TSPAN18: variants seen among roughly 807,000 people sequenced by gnomAD.
TSPAN18 encodes tetraspanin-18.
Under a neutral mutation model 27.3 loss-of-function variants are expected in TSPAN18, and 14 were observed. That is an observed-to-expected ratio of 0.51 (90% CI 0.34 to 0.80). The LOEUF is 0.80. TSPAN18 is among the 30% of genes least tolerant of loss of function. TSPAN18 has a pLI of 0.01. For missense variants in TSPAN18, 268 were observed against 323.9 expected (o/e 0.83, Z 1.32); for synonymous variants, 143 against 136.5 (o/e 1.05, Z -0.33).
intron 2 of TSPAN18, among the ~76,000 whole-genome samples, chr11:44,811,915 G>T (rs1590513768): frequency 6.6e-6 from 1 of 152,302 alleles, no homozygotes; most frequent in Admixed American, 6.5e-5. Context: ...GAACCCCCAG[G>T]GGGAGAACAG....
chr11:44,910,502 A>C (rs2135341455), intron 5 of TSPAN18, among the ~76,000 whole-genome samples: 1 of 152,330 alleles, frequency 6.6e-6, no homozygotes, highest in African/African-American at 2.4e-5. Flanking sequence ...CTGAACAACC[A>C]GGTTTCTCCA....
At chr11:44,827,482 G>C (rs1857068635) in intron 2 of TSPAN18, among the ~76,000 whole-genome samples, 1 of 152,206 alleles carries the variant, frequency 6.6e-6, no homozygotes, top group Non-Finnish European at 1.5e-5. Context: ...GAAGTGCCTG[G>C]AGTCTGGGAG....
At chr11:44,898,345 C>T (rs528293176) in intron 3 of TSPAN18, among the ~76,000 whole-genome samples, 3 of 152,300 alleles carry the variant, frequency 2.0e-5, no homozygotes, top group African/African-American at 4.8e-5. Context: ...TGGGCTAGAT[C>T]GTGCTTCCCA....
At chr11:44,888,669 A>G (rs1858742093) in intron 3 of TSPAN18, among the ~76,000 whole-genome samples, 1 of 152,290 alleles carries the variant, frequency 6.6e-6, no homozygotes, top group African/African-American at 2.4e-5. Context: ...TACACCATTC[A>G]GCTCTGATTT....
chr11:44,780,043 T>C (rs927787505), intron 2 of TSPAN18, among the ~76,000 whole-genome samples: 4 of 152,148 alleles, frequency 2.6e-5, no homozygotes, highest in East Asian at 3.9e-4. Context: ...CTGTACACAT[T>C]TACACATGCA....
intron 2 of TSPAN18, among the ~76,000 whole-genome samples, chr11:44,773,585 C>T (rs1855738816): frequency 6.6e-6 from 1 of 152,108 alleles, no homozygotes; most frequent in South Asian, 2.1e-4. Context: ...AAATTCCCTA[C>T]AGGCAGTTCA....
chr11:44,754,157 C>A (rs1016892551), intron 1 of TSPAN18, among the ~76,000 whole-genome samples: 1 of 152,160 alleles, frequency 6.6e-6, no homozygotes, highest in African/African-American at 2.4e-5. Context: ...TCCTGCGGAC[C>A]TTTTCTGCAT....
At chr11:44,800,374 G>A (rs1478022503) in intron 2 of TSPAN18, among the ~76,000 whole-genome samples, 1 of 152,124 alleles carries the variant, frequency 6.6e-6, no homozygotes, top group Admixed American at 6.5e-5. Context: ...ATCTGGGGTT[G>A]GAGCCTCTTC....
chr11:44,880,756 G>A (rs1590622606), intron 3 of TSPAN18, among the ~76,000 whole-genome samples: 1 of 152,248 alleles, frequency 6.6e-6, no homozygotes, highest in Non-Finnish European at 1.5e-5. Context: ...GAAGTGGTTG[G>A]ACTCAAGGAC....
At chr11:44,926,500 C>T (rs1383866355) in intron 8 of TSPAN18, 174 bp from the exon 9 acceptor site, 4 of 640,474 alleles carry the variant, frequency 6.2e-6, no homozygotes, top group Non-Finnish European at 5.6e-6. Flanking sequence ...GCTGCCAAGT[C>T]GCTGTTTCTG....
At chr11:44,762,589 C>T (rs906266538) in intron 1 of TSPAN18, among the ~76,000 whole-genome samples, 1 of 151,934 alleles carries the variant, frequency 6.6e-6, no homozygotes, top group African/African-American at 2.4e-5. Context: ...AATAACTTGC[C>T]CAAGGTCATA....
chr11:44,752,229 T>C (rs1193993419), intron 1 of TSPAN18, among the ~76,000 whole-genome samples: 1 of 152,218 alleles, frequency 6.6e-6, no homozygotes, highest in Admixed American at 6.5e-5. Context: ...AGGCTAGTTT[T>C]AGCTGATGTG....
intron 3 of TSPAN18, among the ~76,000 whole-genome samples, chr11:44,897,323 TGGGGGAGGA>T (rs889994243): frequency 6.6e-6 from 1 of 152,166 alleles, no homozygotes; most frequent in African/African-American, 2.4e-5. Flanking sequence ...GTCTGGGTTT[TGGGGGAGGA>T]AGTTGATGAA....
At chr11:44,749,908 T>A (rs1199803451) in intron 1 of TSPAN18, among the ~76,000 whole-genome samples, 2 of 152,220 alleles carry the variant, frequency 1.3e-5, no homozygotes, top group African/African-American at 4.8e-5. Context: ...AGTGCTGGGA[T>A]TACAGGCGTG....
intron 2 of TSPAN18, among the ~76,000 whole-genome samples, chr11:44,839,215 C>T (rs1028013201): frequency 4.6e-5 from 7 of 152,214 alleles, no homozygotes; most frequent in African/African-American, 1.2e-4. Context: ...CATGCAAATA[C>T]GTTTCTGTTC....
chr11:44,787,429 T>G (rs116657521), intron 2 of TSPAN18, among the ~76,000 whole-genome samples: 159 of 152,290 alleles, frequency 1.0e-3, no homozygotes, highest in African/African-American at 3.7e-3. Context: ...TCATGGGTGG[T>G]GCAGAGCTGG....
At chr11:44,864,944 G>A (rs1393398140) in intron 3 of TSPAN18, among the ~76,000 whole-genome samples, 1 of 152,208 alleles carries the variant, frequency 6.6e-6, no homozygotes, top group African/African-American at 2.4e-5. Context: ...TGCCATGTGG[G>A]GCATCAGCCA....
chr11:44,855,962 A>C (rs1857726551), intron 2 of TSPAN18, among the ~76,000 whole-genome samples: 1 of 149,798 alleles, frequency 6.7e-6, no homozygotes, highest in African/African-American at 2.5e-5. Context: ...GGCTCACTGC[A>C]ACCTCCGTCT....
At chr11:44,748,320 C>T (rs1422008898) in intron 1 of TSPAN18, among the ~76,000 whole-genome samples, 1 of 152,000 alleles carries the variant, frequency 6.6e-6, no homozygotes, top group Non-Finnish European at 1.5e-5. Context: ...ATTTCCTGAA[C>T]CCCAGAGGCG....
Sources: allele counts gnomAD v4.1 joint callset (sites outside exome capture counted in the v4.1 genomes callset), GRCh38; gene constraint gnomAD v4.1.1; transcripts MANE v1.5; gene names NCBI Gene and HGNC (gene_info 2026-07-23, HGNC 2026-07-21).